Variants in WDPCP observed in about 807,000 individuals in gnomAD.
The protein encoded by WDPCP is WD repeat-containing and planar cell polarity effector protein fritz homolog.
A neutral mutation model predicts 93.1 loss-of-function variants in WDPCP; 71 were observed. That is an observed-to-expected ratio of 0.76 (90% confidence interval 0.63 to 0.93). The LOEUF (loss-of-function observed/expected upper bound fraction) is 0.93, where lower values mean the gene tolerates loss of function less well. Among genes scored for constraint, WDPCP ranks in the 40% least tolerant of loss-of-function variants. The pLI, the probability that WDPCP is intolerant of heterozygous loss-of-function variation, is 0.00. For synonymous variants in WDPCP, 315 were observed against 315.0 expected (o/e 1.00, Z 0.00); for missense variants, 844 against 887.4 (o/e 0.95, Z 0.62).
intron 2 of WDPCP, among the ~76,000 whole-genome samples, chr2:63,488,420 C>T (rs772806906): frequency 1.2e-4 from 18 of 151,972 alleles, no homozygotes; most frequent in African/African-American, 2.2e-4. Context: ...TAGTCAATTG[C>T]GTGTACTTGT....
At chr2:63,622,069 T>C in intron 3 of WDPCP, 5 of 511,404 alleles carry the variant, frequency 9.8e-6, no homozygotes, top group East Asian at 1.3e-4. Flanking sequence ...CTTTTTTCTT[T>C]TTTTTTTTTT....
chr2:63,484,546 C>A (rs905738087), intron 6 of WDPCP, 58 bp downstream of exon 6: 3 of 1,594,416 alleles, frequency 1.9e-6, no homozygotes, highest in Non-Finnish European at 2.6e-6. Context: ...ATACCAATTA[C>A]TACATAGTTT....
intron 1 of WDPCP, among the ~76,000 whole-genome samples, chr2:63,503,241 T>C (rs1018129756): frequency 2.0e-5 from 3 of 152,206 alleles, no homozygotes; most frequent in Admixed American, 2.0e-4. Flanking sequence ...TTCCTCTTCT[T>C]TCTACTCATT....
At chr2:63,766,760 A>T (rs1190757616) in intron 2 of WDPCP, among the ~76,000 whole-genome samples, 1 of 152,176 alleles carries the variant, frequency 6.6e-6, no homozygotes, top group Non-Finnish European at 1.5e-5. Context: ...CATAAAATTT[A>T]CCATCTTAAC....
rs1671162357 is a variant in WDPCP, at chr2:63,142,686, T to A, written c.2190+10228A>T. The stretch of plus-strand genomic sequence containing the variant: ...AAATCCATTGTTTCTTTGTTGAGTT[T>A]CTGTCTTGATGTCCTGTCTAGTGCT... On this transcript the variant is annotated intron_variant, in intron 17 of 17. Transcript: ENST00000272321. Among the ~76,000 whole-genome samples, 4 of 152,240 alleles carry A rather than the reference T, an allele frequency of 2.6e-5. No homozygotes were observed. The South Asian group carries it at 8.3e-4, about 32-fold the overall frequency.
At chr2:63,210,466 T>G (rs1028078200) in intron 14 of WDPCP, among the ~76,000 whole-genome samples, 1 of 152,210 alleles carries the variant, frequency 6.6e-6, no homozygotes, top group Non-Finnish European at 1.5e-5. Context: ...AAATAGTTAA[T>G]GTAGGGGGAA....
intron 2 of WDPCP, among the ~76,000 whole-genome samples, chr2:63,707,190 G>T (rs997415519): frequency 4.6e-5 from 7 of 152,162 alleles, no homozygotes; most frequent in African/African-American, 1.7e-4. Flanking sequence ...CTAGATTGGG[G>T]AAGTTCTCCT....
chr2:63,644,830 G>A (rs1156636243), intron 3 of WDPCP, among the ~76,000 whole-genome samples: 1 of 151,960 alleles, frequency 6.6e-6, no homozygotes, highest in African/African-American at 2.4e-5. Flanking sequence ...GATTTTTCGA[G>A]TTTCTGCAGT....
At position 63,624,055 on chromosome 2, in the gene WDPCP, G is replaced by A. The variant is rs1285280427; in HGVS notation, n.488+26604C>T. On this transcript the variant is annotated intron_variant and non_coding_transcript_variant, in intron 3 of 4. Coordinates refer to the WDPCP transcript ENST00000467687. ...TCACTCAAAACTGCACAACTACATG[G>A]ACACTAAACAACCTGCTCCTGAATG... 2.6e-5 allele frequency among the ~76,000 whole-genome samples: 4 copies of A among 152,282 alleles called. No individual in the cohort carries two copies. The South Asian group carries it at 8.3e-4, about 32-fold the overall frequency.
At chr2:63,294,548 A>C (rs1382157375) in intron 13 of WDPCP, among the ~76,000 whole-genome samples, 1 of 151,276 alleles carries the variant, frequency 6.6e-6, no homozygotes, top group Non-Finnish European at 1.5e-5. Context: ...AAAGAAAAAA[A>C]ATGTCAACCA....
intron 14 of WDPCP, among the ~76,000 whole-genome samples, chr2:63,187,628 T>C (rs1674733894): frequency 6.6e-6 from 1 of 152,214 alleles, no homozygotes; most frequent in South Asian, 2.1e-4. Flanking sequence ...TCCCCCCTTA[T>C]GTTATTGTCA....
chr2:63,567,306 T>C (rs1401417532), intron 1 of WDPCP, among the ~76,000 whole-genome samples: 1 of 152,086 alleles, frequency 6.6e-6, no homozygotes, highest in African/African-American at 2.4e-5. Context: ...CAAAACTATC[T>C]AGGGACCCCC....
intron 14 of WDPCP, among the ~76,000 whole-genome samples, chr2:63,207,263 A>G (rs1032130981): frequency 3.3e-4 from 50 of 152,110 alleles, no homozygotes; most frequent in Non-Finnish European, 8.8e-5. Flanking sequence ...CCTCACCCAA[A>G]TCTCATGTCA....
chr2:63,830,800 G>A (rs1266165885), upstream of WDPCP, among the ~76,000 whole-genome samples: 1 of 151,994 alleles, frequency 6.6e-6, no homozygotes, highest in Non-Finnish European at 1.5e-5. Flanking sequence ...TCTAAATGAT[G>A]GAGTTTATAC....
At chr2:63,742,990 T>G (rs564297583) in intron 2 of WDPCP, among the ~76,000 whole-genome samples, 2 of 152,142 alleles carry the variant, frequency 1.3e-5, no homozygotes, top group South Asian at 2.1e-4. Context: ...CTCTATTTTA[T>G]GCCAAAAGGG....
Position 63,742,147 on chromosome 2 carries a change from C to T in WDPCP, n.308+71475G>A, listed in dbSNP as rs556868075. On this transcript the variant is annotated intron_variant and non_coding_transcript_variant, in intron 2 of 4. Coordinates refer to the WDPCP transcript ENST00000467687. ...CCAGGAATATTAGTCTCCCCTATCT[C>T]TAATAGTTCATCTTATTACAGTGTA... Among the ~76,000 whole-genome samples the T allele has an allele frequency of 5.3e-3, 804 of 152,014 alleles. 1 individual carries two copies. The highest frequency in any genetic ancestry group is 7.7e-3 in the Non-Finnish European group (526 of 67,954).
intron 1 of WDPCP, among the ~76,000 whole-genome samples, chr2:63,507,797 T>C (rs550808859): frequency 6.6e-6 from 1 of 152,122 alleles, no homozygotes; most frequent in East Asian, 1.9e-4. Context: ...TACACAAGTA[T>C]AAATAGCCAA....
chr2:63,304,998 A>C (rs1381157349), intron 13 of WDPCP, among the ~76,000 whole-genome samples: 3 of 152,102 alleles, frequency 2.0e-5, no homozygotes, highest in Non-Finnish European at 2.9e-5. Context: ...AAATGGGAAG[A>C]GCCCACCACA....
At chr2:63,642,292 GTGTGGGTTTT>G (rs2106634459) in intron 3 of WDPCP, among the ~76,000 whole-genome samples, 1 of 152,108 alleles carries the variant, frequency 6.6e-6, no homozygotes, top group East Asian at 1.9e-4. Flanking sequence ...GATTTGATTA[GTGTGGGTTTT>G]TGTGGTTTAT....
Sources: allele counts gnomAD v4.1 joint callset (sites outside exome capture counted in the v4.1 genomes callset), GRCh38; gene constraint gnomAD v4.1.1; transcripts MANE v1.5; gene names NCBI Gene and HGNC (gene_info 2026-07-23, HGNC 2026-07-21).